The following FANK1 variants were observed in gnomAD, a reference collection of about 807,000 sequenced individuals.
FANK1 encodes fibronectin type 3 and ankyrin repeat domains protein 1.
Under a neutral mutation model 45.3 loss-of-function variants are expected in FANK1, and 44 were observed. The ratio of observed to expected loss-of-function variants is 0.97; its 90% CI spans 0.76 to 1.25. The LOEUF is 1.25. Ranked by LOEUF, FANK1 falls within the 50% of genes most tolerant of loss-of-function variation. The pLI is 0.00. For missense variants in FANK1, 391 were observed against 424.4 expected (o/e 0.92, Z 0.69); for synonymous variants, 149 against 152.5 (o/e 0.98, Z 0.17).
At chr10:125,948,393 A>G (rs1948961719) in intron 1 of FANK1, among the ~76,000 whole-genome samples, 1 of 152,162 alleles carries the variant, frequency 6.6e-6, no homozygotes, top group Admixed American at 6.5e-5. Context: ...GAAAAAGAGA[A>G]GAATCAAATA....
At chr10:125,940,403 C>A (rs1015990834) in intron 1 of FANK1, among the ~76,000 whole-genome samples, 1 of 152,148 alleles carries the variant, frequency 6.6e-6, no homozygotes, top group East Asian at 1.9e-4. Flanking sequence ...TGGATGTGCA[C>A]GTAGGCCAGA....
rs536848586 is a variant in FANK1 at position 125,951,091 on chromosome 10, G to T, written c.14-29070G>T. Among the ~76,000 whole-genome samples the T allele has an allele frequency of 7.6e-3, 906 of 118,552 alleles. 18 individuals carry two copies. Among genetic ancestry groups the T allele is most frequent in the African/African-American group, 0.026 (836 of 31,662 alleles). The allele number at this position is 118,552 out of a possible 152,430, so 77.8% of individuals were successfully genotyped here. On this transcript the variant is annotated intron_variant, in intron 1 of 10. Transcript: ENST00000368693. ...GGGAATATCACACTCTGGGGACTGT[G>T]GTGGGGTGGGGGGAGGGGGGAGGGA...
intron 1 of FANK1, among the ~76,000 whole-genome samples, chr10:125,897,424 G>A (rs1944640524): frequency 6.6e-6 from 1 of 152,238 alleles, no homozygotes; most frequent in Non-Finnish European, 1.5e-5. Context: ...TGTTCCTTTT[G>A]TTCTCAAAAT....
At chr10:125,970,589 G>C (rs998174954) in intron 1 of FANK1, among the ~76,000 whole-genome samples, 16 of 152,232 alleles carry the variant, frequency 1.1e-4, no homozygotes, top group African/African-American at 2.9e-4. Flanking sequence ...GAGGTGGGCA[G>C]ATCACTCGAG....
At chr10:125,905,908 A>T (rs976860327) in intron 1 of FANK1, among the ~76,000 whole-genome samples, 1 of 152,310 alleles carries the variant, frequency 6.6e-6, no homozygotes, top group Non-Finnish European at 1.5e-5. Flanking sequence ...GAATACAATT[A>T]CAAAAGTAAA....
intron 6 of FANK1, among the ~76,000 whole-genome samples, chr10:126,003,538 CATT>C (rs966244020): frequency 9.6e-4 from 146 of 152,176 alleles, no homozygotes; most frequent in African/African-American, 3.1e-3. Context: ...TTCTAGGTTT[CATT>C]ATTTTTTTTA....
intron 6 of FANK1, among the ~76,000 whole-genome samples, chr10:125,999,666 C>T (rs975208632): frequency 6.6e-6 from 1 of 152,180 alleles, no homozygotes; most frequent in Non-Finnish European, 1.5e-5. Flanking sequence ...CTGCATCCCT[C>T]TGAGGATGTG....
At chr10:125,956,863 T>C (rs1055694775) in intron 1 of FANK1, among the ~76,000 whole-genome samples, 1 of 152,314 alleles carries the variant, frequency 6.6e-6, no homozygotes, top group East Asian at 1.9e-4. Context: ...AGGCTTCTAA[T>C]GTACAGTGAC....
At chr10:125,933,755 G>T (rs1260069553) in intron 1 of FANK1, among the ~76,000 whole-genome samples, 2 of 151,990 alleles carry the variant, frequency 1.3e-5, no homozygotes, top group African/African-American at 2.4e-5. Flanking sequence ...CAATCTTTTT[G>T]ATTTAGGTGT....
At chr10:125,974,745 T>G (rs1950749218) in intron 1 of FANK1, 1 of 152,250 alleles carries the variant, frequency 6.6e-6, no homozygotes, top group African/African-American at 2.4e-5. Flanking sequence ...ATAGAATAAC[T>G]TATTTGTCCA....
At chr10:125,916,623 A>G (rs1946470027) in intron 1 of FANK1, among the ~76,000 whole-genome samples, 1 of 152,234 alleles carries the variant, frequency 6.6e-6, no homozygotes, top group Non-Finnish European at 1.5e-5. Flanking sequence ...CACTATATGC[A>G]GTAGAATACT....
intron 7 of FANK1, among the ~76,000 whole-genome samples, chr10:126,007,916 T>C (rs1414548800): frequency 6.6e-6 from 1 of 152,244 alleles, no homozygotes; most frequent in Non-Finnish European, 1.5e-5. Flanking sequence ...GAGAAGCCTT[T>C]AGTCAGACTT....
intron 2 of FANK1, among the ~76,000 whole-genome samples, chr10:125,985,784 G>T (rs9633754): frequency 0.35 from 52,718 of 152,070 alleles, 9,802 homozygotes; most frequent in South Asian, 0.45. Flanking sequence ...GCTCTCTTGG[G>T]GCTGGAAGAA....
intron 4 of FANK1, 142 bp downstream of exon 4, chr10:125,995,640 A>G: frequency 2.9e-6 from 2 of 695,188 alleles, no homozygotes; most frequent in Non-Finnish European, 5.1e-6. Context: ...GACTGGTGTG[A>G]GTTAATAAAC....
intron 1 of FANK1, among the ~76,000 whole-genome samples, chr10:125,922,307 G>T (rs543141460): frequency 3.3e-5 from 5 of 152,158 alleles, no homozygotes; most frequent in Non-Finnish European, 5.9e-5. Flanking sequence ...TTCAGGGTTT[G>T]TTTTATGACC....
At chr10:125,949,972 A>G (rs888020794) in intron 1 of FANK1, among the ~76,000 whole-genome samples, 17 of 119,904 alleles carry the variant, frequency 1.4e-4, no homozygotes, top group African/African-American at 4.9e-4. Flanking sequence ...CATATCTACA[A>G]CTATCTGATC....
At chr10:125,962,625 T>C (rs1360657872) in intron 1 of FANK1, among the ~76,000 whole-genome samples, 1 of 152,178 alleles carries the variant, frequency 6.6e-6, no homozygotes, top group African/African-American at 2.4e-5. Context: ...CAATTTTGTA[T>C]TTTTTATTTT....
chr10:126,008,659 T>C, intron 8 of FANK1, 109 bp downstream of exon 8: 7 of 1,310,974 alleles, frequency 5.3e-6, no homozygotes, highest in Non-Finnish European at 7.3e-6. Context: ...GCCCTTGGGT[T>C]TGACTGTGTG....
At chr10:125,950,693 C>G (rs1384955754) in intron 1 of FANK1, among the ~76,000 whole-genome samples, 1 of 151,994 alleles carries the variant, frequency 6.6e-6, no homozygotes, top group Non-Finnish European at 1.5e-5. Flanking sequence ...GGCGATTCCT[C>G]AGGGATTTAG....
Sources: allele counts gnomAD v4.1 joint callset (sites outside exome capture counted in the v4.1 genomes callset), GRCh38; gene constraint gnomAD v4.1.1; transcripts MANE v1.5; gene names NCBI Gene and HGNC (gene_info 2026-07-23, HGNC 2026-07-21).